PDE2A: variants seen among roughly 807,000 people sequenced by gnomAD.
PDE2A encodes cGMP-dependent 3',5'-cyclic phosphodiesterase.
PDE2A carries 53 observed loss-of-function variants against 133.6 expected under a neutral mutation model. The ratio of observed to expected loss-of-function variants is 0.40; its 90% CI spans 0.32 to 0.50. PDE2A has a LOEUF of 0.50. Among genes scored for constraint, PDE2A ranks in the 20% least tolerant of loss-of-function variants. The probability of loss-of-function intolerance (pLI) is 0.73; values close to 1 mark genes in which losing one functional copy is unlikely to be tolerated. For synonymous variants in PDE2A, 491 were observed against 490.2 expected (o/e 1.00, Z -0.02); for missense variants, 796 against 1,232.4 (o/e 0.65, Z 5.30).
At chr11:72,649,360 T>A (rs1053900050) in intron 1 of PDE2A, 5 of 152,268 alleles carry the variant, frequency 3.3e-5, no homozygotes, top group Non-Finnish European at 5.9e-5. Context: ...TTTGTAGGAC[T>A]TACCCAGCTA....
chr11:72,628,768 A>C (rs935516697), intron 2 of PDE2A, among the ~76,000 whole-genome samples: 3 of 152,310 alleles, frequency 2.0e-5, no homozygotes, highest in Non-Finnish European at 4.4e-5. Context: ...TGGCTTGTCC[A>C]CTATATGAGG....
chr11:72,628,550 C>T (rs1858203532), intron 2 of PDE2A, among the ~76,000 whole-genome samples: 2 of 152,160 alleles, frequency 1.3e-5, no homozygotes, highest in Admixed American at 6.5e-5. Flanking sequence ...AGAATGGTCT[C>T]GATCTCCTGA....
At chr11:72,617,387 C>T (rs1273115688) in intron 2 of PDE2A, among the ~76,000 whole-genome samples, 1 of 152,204 alleles carries the variant, frequency 6.6e-6, no homozygotes, top group Non-Finnish European at 1.5e-5. Flanking sequence ...GGCACAGAGG[C>T]TGGCTGCCCG....
At chr11:72,595,405 G>A (rs1591040407) in intron 6 of PDE2A, among the ~76,000 whole-genome samples, 1 of 152,020 alleles carries the variant, frequency 6.6e-6, no homozygotes, top group African/African-American at 2.4e-5. Context: ...CAGCAGCTCC[G>A]TTCCAGAAAC....
Position 72,596,476 on chromosome 11 carries a change from T to TCA in PDE2A, c.489+116_489+117insTG, listed in dbSNP as rs760226055. 5.0e-3 allele frequency: 1,190 copies of TCA among 236,742 alleles called. 2 individuals carry two copies. Among genetic ancestry groups the TCA allele is most frequent in the African/African-American group, 0.015 (384 of 25,878 alleles). The allele number at this position is 236,742 out of a possible 1,614,324, so 14.7% of individuals were successfully genotyped here. ...GCTCCCATCTCTCTCTCTCTCTCTC[T>TCA]CTCTCTCTCACACACACACACACAC... On this transcript the variant is annotated intron_variant, in intron 6 of 30. Coordinates refer to ENST00000334456, the MANE Select transcript of PDE2A (RefSeq NM_002599.5).
intron 15 of PDE2A, 44 bp downstream of exon 15, chr11:72,585,510 C>G: frequency 6.2e-7 from 1 of 1,613,190 alleles, no homozygotes; most frequent in Non-Finnish European, 8.5e-7. Context: ...AAATGCCAGC[C>G]CCCATGCCCA....
intron 1 of PDE2A, among the ~76,000 whole-genome samples, chr11:72,654,495 C>A (rs1854837338): frequency 6.6e-6 from 1 of 152,136 alleles, no homozygotes. Context: ...ACCAGGCCTG[C>A]TCAGGAGCCC....
intron 2 of PDE2A, among the ~76,000 whole-genome samples, chr11:72,637,712 A>G (rs1858764048): frequency 6.6e-6 from 1 of 152,228 alleles, no homozygotes; most frequent in Non-Finnish European, 1.5e-5. Flanking sequence ...GGCTCAGGGT[A>G]GTGGACACTG....
intron 4 of PDE2A, chr11:72,598,590 C>T (rs1373988342): frequency 3.9e-6 from 5 of 1,288,926 alleles, no homozygotes; most frequent in Non-Finnish European, 5.1e-6. Flanking sequence ...CTTAATTGTG[C>T]TTGTAGGAAC....
intron 1 of PDE2A, among the ~76,000 whole-genome samples, chr11:72,667,961 C>A (rs1255576858): frequency 6.6e-6 from 1 of 151,958 alleles, no homozygotes; most frequent in Non-Finnish European, 1.5e-5. Context: ...CAGCAAAGTG[C>A]TGGGTGCACC....
intron 2 of PDE2A, among the ~76,000 whole-genome samples, chr11:72,627,640 C>T (rs1287428424): frequency 2.0e-5 from 3 of 152,192 alleles, no homozygotes; most frequent in Non-Finnish European, 4.4e-5. Context: ...GCCAGCAATG[C>T]CCTGCCAAGG....
At chr11:72,591,449 C>A in intron 6 of PDE2A, 93 bp from the exon 7 acceptor site, 1 of 889,768 alleles carries the variant, frequency 1.1e-6, no homozygotes, top group Non-Finnish European at 1.9e-6. Context: ...CACTGGTCCC[C>A]ACCAACACAT....
chr11:72,658,655 T>A (rs2135455493), intron 1 of PDE2A, among the ~76,000 whole-genome samples: 1 of 152,182 alleles, frequency 6.6e-6, no homozygotes, highest in East Asian at 1.9e-4. Flanking sequence ...TTTTCTTCAC[T>A]CACAACCTCA....
intron 3 of PDE2A, among the ~76,000 whole-genome samples, chr11:72,605,867 AG>A (rs1856946067): frequency 6.6e-6 from 1 of 152,120 alleles, no homozygotes; most frequent in Non-Finnish European, 1.5e-5. Context: ...GCAGGTACAC[AG>A]GTAGGTCCAG....
intron 4 of PDE2A, among the ~76,000 whole-genome samples, chr11:72,601,972 C>G (rs1856767766): frequency 6.6e-6 from 1 of 152,138 alleles, no homozygotes; most frequent in Non-Finnish European, 1.5e-5. Context: ...GACTCCCAGC[C>G]CAAGGTTCTT....
At chr11:72,626,218 C>T (rs1004261941) in intron 2 of PDE2A, among the ~76,000 whole-genome samples, 2 of 152,242 alleles carry the variant, frequency 1.3e-5, no homozygotes, top group Non-Finnish European at 2.9e-5. Context: ...ACCTGCGATG[C>T]CCATCTCTCT....
chr11:72,640,013 A>G (rs1025783374), intron 2 of PDE2A, among the ~76,000 whole-genome samples: 1 of 151,860 alleles, frequency 6.6e-6, no homozygotes, highest in African/African-American at 2.4e-5. Flanking sequence ...ACAGTCCTCA[A>G]CACCCCCAAC....
intron 2 of PDE2A, among the ~76,000 whole-genome samples, chr11:72,610,564 T>A (rs1389318204): frequency 6.6e-6 from 1 of 152,140 alleles, no homozygotes; most frequent in Non-Finnish European, 1.5e-5. Flanking sequence ...AGATGCTTAC[T>A]CAGCATCGCT....
At chr11:72,595,162 C>T (rs1856420974) in intron 6 of PDE2A, among the ~76,000 whole-genome samples, 1 of 152,174 alleles carries the variant, frequency 6.6e-6, no homozygotes, top group Non-Finnish European at 1.5e-5. Flanking sequence ...CTTCCCCTTA[C>T]TTCCCTCCTG....
Sources: allele counts gnomAD v4.1 joint callset (sites outside exome capture counted in the v4.1 genomes callset), GRCh38; gene constraint gnomAD v4.1.1; transcripts MANE v1.5; gene names NCBI Gene and HGNC (gene_info 2026-07-23, HGNC 2026-07-21).